The following TRPM1 variants were observed in gnomAD, a reference collection of about 807,000 sequenced individuals.
TRPM1 encodes TRPM1-203 APA Isoform, Intron 10.
TRPM1 carries 113 observed loss-of-function variants against 149.4 expected under a neutral mutation model. That is an observed-to-expected ratio of 0.76 (90% CI 0.65 to 0.88). The LOEUF (loss-of-function observed/expected upper bound fraction) is 0.88. Ranked by LOEUF, TRPM1 falls within the 40% of genes least tolerant of loss-of-function variation. TRPM1 has a pLI of 0.00. For missense variants in TRPM1, 1,976 were observed against 2,038.7 expected, an observed-to-expected ratio of 0.97 and a Z score of 0.59; for synonymous variants, 741 against 759.5, an observed-to-expected ratio of 0.98 and a Z score of 0.40.
At chr15:31,108,998 G>A (rs1313459095) in intron 1 of TRPM1, among the ~76,000 whole-genome samples, 1 of 151,500 alleles carries the variant, frequency 6.6e-6, no homozygotes, top group African/African-American at 2.4e-5. Context: ...AGACACTGCT[G>A]GTGCTGTGTG....
chr15:31,117,279 A>C (rs906045621), intron 1 of TRPM1, among the ~76,000 whole-genome samples: 3 of 152,162 alleles, frequency 2.0e-5, no homozygotes, highest in Admixed American at 1.3e-4. Context: ...TAAGGTCAGG[A>C]GTTCGAGACC....
At chr15:31,117,809 T>C (rs1443889276) in intron 1 of TRPM1, among the ~76,000 whole-genome samples, 1 of 151,914 alleles carries the variant, frequency 6.6e-6, no homozygotes, top group African/African-American at 2.4e-5. Context: ...CAAAAACACC[T>C]ACAGCAATAA....
chr15:31,051,132 G>C (rs145430080), intron 11 of TRPM1, among the ~76,000 whole-genome samples: 110 of 152,196 alleles, frequency 7.2e-4, no homozygotes, highest in African/African-American at 2.6e-3. Context: ...CATGCAATGC[G>C]GTGACAGACT....
chr15:31,051,480 G>A (rs930580412), intron 11 of TRPM1, among the ~76,000 whole-genome samples: 2 of 152,202 alleles, frequency 1.3e-5, no homozygotes, highest in African/African-American at 4.8e-5. Context: ...TGCCTCATGG[G>A]CATTTCATGC....
intron 1 of TRPM1, among the ~76,000 whole-genome samples, chr15:31,093,769 T>A: frequency 6.6e-6 from 1 of 151,866 alleles, no homozygotes; most frequent in East Asian, 1.9e-4. Context: ...GCCTGGCTAA[T>A]TTTTTTTATT....
intron 26 of TRPM1, among the ~76,000 whole-genome samples, chr15:31,026,540 A>T (rs1039578956): frequency 6.6e-6 from 1 of 152,206 alleles, no homozygotes; most frequent in Non-Finnish European, 1.5e-5. Context: ...TTCCTGGAAA[A>T]CTTTTTGCAC....
At chr15:31,056,334 T>G (rs1182843090) in intron 11 of TRPM1, among the ~76,000 whole-genome samples, 1 of 152,230 alleles carries the variant, frequency 6.6e-6, no homozygotes, top group Non-Finnish European at 1.5e-5. Flanking sequence ...AAGAATTAAA[T>G]GTCTACATGT....
At chr15:31,131,837 G>T (rs553525075) in intron 1 of TRPM1, among the ~76,000 whole-genome samples, 7 of 143,608 alleles carry the variant, frequency 4.9e-5, no homozygotes, top group Admixed American at 1.5e-4. Flanking sequence ...CCCCCCTGCT[G>T]CCCCCTCTCT....
At chr15:31,140,931 C>T (rs2036152854) in intron 1 of TRPM1, among the ~76,000 whole-genome samples, 1 of 152,162 alleles carries the variant, frequency 6.6e-6, no homozygotes, top group African/African-American at 2.4e-5. Context: ...AAGTGATTCT[C>T]CTGCCTCAGC....
chr15:31,121,132 C>T (rs2035871290), intron 1 of TRPM1, among the ~76,000 whole-genome samples: 1 of 142,212 alleles, frequency 7.0e-6, no homozygotes, highest in African/African-American at 2.7e-5. Context: ...GAGGCCAAGG[C>T]AGAGAATTGC....
intron 27 of TRPM1, among the ~76,000 whole-genome samples, chr15:31,016,869 C>T (rs2032371739): frequency 6.6e-6 from 1 of 152,018 alleles, no homozygotes; most frequent in African/African-American, 2.4e-5. Context: ...ATCCTCCACG[C>T]CCATATTCAT....
intron 27 of TRPM1, among the ~76,000 whole-genome samples, chr15:31,018,379 C>T (rs1566991172): frequency 6.7e-6 from 1 of 149,488 alleles, no homozygotes; most frequent in African/African-American, 2.5e-5. Context: ...TTTTATTTTT[C>T]ATTTTATTTT....
At chr15:31,107,408 C>A (rs2035624066) in intron 1 of TRPM1, among the ~76,000 whole-genome samples, 1 of 151,976 alleles carries the variant, frequency 6.6e-6, no homozygotes, top group African/African-American at 2.4e-5. Flanking sequence ...TTAGTGATGC[C>A]CCTTTTTCAT....
intron 27 of TRPM1, among the ~76,000 whole-genome samples, chr15:31,016,752 A>G (rs183699657): frequency 6.6e-6 from 1 of 152,292 alleles, no homozygotes; most frequent in African/African-American, 2.4e-5. Flanking sequence ...CACTTGATTT[A>G]TTACAATATT....
chr15:31,040,263 T>C lies in TRPM1; in HGVS notation c.2171A>G (p.Glu724Gly), dbSNP rs1386814944. 3 of 1,614,042 alleles carry C rather than the reference T, an allele frequency of 1.9e-6. No homozygotes were observed. The highest frequency in any genetic ancestry group is 2.5e-6 in the Non-Finnish European group (3 of 1,180,036). The part of the protein sequence containing the change: ...EQIAMKLLTY[E>G]LKNWSNSTCL... ...GGTCGAGTTGCTCCAGTTTTTCAGC[T>C]CGTAGGTCAGGAGTTTCATAGCGAT... The change falls in exon 18 of 28, where the codon GAG becomes GGG. Residue 724 changes from glutamate to glycine, a missense_variant. Transcript: ENST00000256552. This position sits in a 1 kb window ranked among gnomAD's most constrained non-coding sequence, Gnocchi z 4.2.
intron 2 of TRPM1, among the ~76,000 whole-genome samples, chr15:31,078,317 G>A (rs2034765762): frequency 6.6e-6 from 1 of 152,162 alleles, no homozygotes; most frequent in African/African-American, 2.4e-5. Flanking sequence ...CCTCCGCAGA[G>A]AGGTCATGCC....
intron 1 of TRPM1, among the ~76,000 whole-genome samples, chr15:31,156,909 A>G (rs368228746): frequency 6.6e-6 from 1 of 150,452 alleles, no homozygotes; most frequent in Non-Finnish European, 1.5e-5. Flanking sequence ...AGATTTTTCT[A>G]TAAATAGTGT....
intron 1 of TRPM1, among the ~76,000 whole-genome samples, chr15:31,136,169 A>G (rs2036085853): frequency 6.6e-6 from 1 of 151,836 alleles, no homozygotes; most frequent in South Asian, 2.1e-4. Context: ...AGGGGGTGGG[A>G]GGAGGTTGCA....
intron 1 of TRPM1, among the ~76,000 whole-genome samples, chr15:31,088,309 CCCTGG>C (rs2035060688): frequency 6.6e-6 from 1 of 152,240 alleles, no homozygotes; most frequent in Non-Finnish European, 1.5e-5. Context: ...CCAGCGCCAG[CCCTGG>C]CAATCCGCTC....
Sources: allele counts gnomAD v4.1 joint callset (sites outside exome capture counted in the v4.1 genomes callset), GRCh38; gene constraint gnomAD v4.1.1; non-coding constraint Gnocchi (gnomAD v3.1); transcripts MANE v1.5; gene names NCBI Gene and HGNC (gene_info 2026-07-23, HGNC 2026-07-21).